Variants in DPP10 observed in about 807,000 individuals in gnomAD.
The protein encoded by DPP10 is dipeptidyl peptidase like 10.
DPP10 carries 33 observed loss-of-function variants against 120.9 expected under a neutral mutation model. That is an observed-to-expected ratio of 0.27 (90% CI 0.21 to 0.37). The LOEUF is 0.37. Among genes scored for constraint, DPP10 ranks in the 10% least tolerant of loss-of-function variants. The pLI is 1.00. For synonymous variants in DPP10, 337 were observed against 326.1 expected (o/e 1.03, Z -0.36); for missense variants, 816 against 942.8 (o/e 0.87, Z 1.76).
chr2:115,407,839 T>A (rs1178111635), intron 3 of DPP10, among the ~76,000 whole-genome samples: 1 of 151,712 alleles, frequency 6.6e-6, no homozygotes, highest in Non-Finnish European at 1.5e-5. Flanking sequence ...CACAATTACC[T>A]ATCAGTGAAG....
intron 1 of DPP10, among the ~76,000 whole-genome samples, chr2:114,476,217 A>T (rs1032359473): frequency 6.6e-6 from 1 of 152,202 alleles, no homozygotes; most frequent in Admixed American, 6.5e-5. Context: ...TTTAATGGAT[A>T]TCTATTCATT....
At chr2:115,478,727 A>G (rs558872024) in intron 3 of DPP10, among the ~76,000 whole-genome samples, 142 of 152,320 alleles carry the variant, frequency 9.3e-4, no homozygotes, top group African/African-American at 3.3e-3. Context: ...CAAACAGCAT[A>G]ATTGATAGAC....
intron 1 of DPP10, among the ~76,000 whole-genome samples, chr2:115,008,055 T>C (rs1384714035): frequency 6.7e-6 from 1 of 148,696 alleles, no homozygotes; most frequent in Non-Finnish European, 1.5e-5. Flanking sequence ...AATGCCTTTC[T>C]TCACAGAATT....
At chr2:114,735,273 A>G (rs1293484579) in intron 1 of DPP10, among the ~76,000 whole-genome samples, 3 of 152,224 alleles carry the variant, frequency 2.0e-5, no homozygotes, top group Non-Finnish European at 2.9e-5. Flanking sequence ...TAGAAAAAAT[A>G]TAGAAGTATT....
chr2:115,177,319 GAGA>G (rs754402710), intron 1 of DPP10, among the ~76,000 whole-genome samples: 6 of 152,214 alleles, frequency 3.9e-5, no homozygotes, highest in Non-Finnish European at 7.3e-5. Flanking sequence ...TTTTATGAAA[GAGA>G]AGGTGAATGC....
At chr2:114,445,532 C>CTGTG (rs1558766322) in intron 1 of DPP10, among the ~76,000 whole-genome samples, 3 of 116,034 alleles carry the variant, frequency 2.6e-5, no homozygotes, top group African/African-American at 3.3e-5. Flanking sequence ...GGAAAAACAG[C>CTGTG]TCTGTGTGTG....
At chr2:115,083,166 T>G (rs1708414131) in intron 1 of DPP10, among the ~76,000 whole-genome samples, 1 of 152,200 alleles carries the variant, frequency 6.6e-6, no homozygotes, top group Non-Finnish European at 1.5e-5. Flanking sequence ...CTTATAAGTA[T>G]CAGCATTTGT....
At chr2:114,866,240 CT>C (rs561593229) in intron 1 of DPP10, among the ~76,000 whole-genome samples, 68 of 151,908 alleles carry the variant, frequency 4.5e-4, no homozygotes, top group Middle Eastern at 3.4e-3. Flanking sequence ...TTTCTCTCAT[CT>C]TTGGAGGCAT....
At chr2:114,891,756 A>G (rs913388446) in intron 1 of DPP10, among the ~76,000 whole-genome samples, 1 of 152,226 alleles carries the variant, frequency 6.6e-6, no homozygotes, top group Non-Finnish European at 1.5e-5. Context: ...TTTTCTCCTG[A>G]TGGATGATTA....
chr2:114,540,576 T>C (rs1311808826), intron 1 of DPP10, among the ~76,000 whole-genome samples: 2 of 152,202 alleles, frequency 1.3e-5, no homozygotes, highest in Admixed American at 6.5e-5. Flanking sequence ...TCCTTGGCAA[T>C]AGAACATTCA....
chr2:114,496,268 A>G (rs115033401), intron 1 of DPP10, among the ~76,000 whole-genome samples: 2 of 152,178 alleles, frequency 1.3e-5, no homozygotes, highest in East Asian at 3.8e-4. Context: ...GGCTCTGTTT[A>G]GCTGGTAGCA....
intron 7 of DPP10, among the ~76,000 whole-genome samples, chr2:115,715,841 A>T (rs1458018749): frequency 1.3e-5 from 2 of 152,240 alleles, no homozygotes; most frequent in Non-Finnish European, 2.9e-5. Context: ...TGAAACTTAC[A>T]ATATCATTTG....
At chr2:115,619,473 C>T (rs925626103) in intron 5 of DPP10, among the ~76,000 whole-genome samples, 4 of 152,146 alleles carry the variant, frequency 2.6e-5, no homozygotes, top group African/African-American at 7.2e-5. Context: ...TACTATCCTT[C>T]GCATGACATT....
intron 1 of DPP10, among the ~76,000 whole-genome samples, chr2:115,027,556 C>T (rs1208670173): frequency 2.0e-5 from 3 of 152,058 alleles, no homozygotes; most frequent in Admixed American, 2.0e-4. Flanking sequence ...GAGGATTTTG[C>T]ATTTATTTTC....
chr2:114,801,847 T>A (rs775933392), intron 1 of DPP10, among the ~76,000 whole-genome samples: 1 of 152,224 alleles, frequency 6.6e-6, no homozygotes, highest in Non-Finnish European at 1.5e-5. Context: ...CTTGGATTCA[T>A]GTACATGAAA....
At chr2:115,334,220 A>C (rs947897371) in intron 2 of DPP10, among the ~76,000 whole-genome samples, 4 of 35,112 alleles carry the variant, frequency 1.1e-4, no homozygotes, top group African/African-American at 3.0e-4. Context: ...AATGGACCAG[A>C]GCAGACTCTG....
chr2:115,424,546 A>G (rs1395176839), intron 3 of DPP10, among the ~76,000 whole-genome samples: 1 of 152,022 alleles, frequency 6.6e-6, no homozygotes, highest in South Asian at 2.1e-4. Flanking sequence ...GGCTCCTAGA[A>G]GTCTGTTGAA....
At chr2:115,339,248 A>G (rs75307989) in intron 2 of DPP10, among the ~76,000 whole-genome samples, 1,686 of 152,306 alleles carry the variant, frequency 0.011, 27 homozygotes, top group African/African-American at 0.039. Flanking sequence ...AATGCAAATT[A>G]AACCACAAGG....
chr2:115,772,051 G>T (rs569929351), intron 13 of DPP10, among the ~76,000 whole-genome samples: 10 of 151,188 alleles, frequency 6.6e-5, no homozygotes, highest in Non-Finnish European at 1.5e-4. Context: ...GATTCCAAAG[G>T]ATACAAATAA....
Sources: allele counts gnomAD v4.1 joint callset (sites outside exome capture counted in the v4.1 genomes callset), GRCh38; gene constraint gnomAD v4.1.1; transcripts MANE v1.5; gene names NCBI Gene and HGNC (gene_info 2026-07-23, HGNC 2026-07-21).